TMEM163: variants seen among roughly 807,000 people sequenced by gnomAD.
TMEM163 encodes transmembrane protein 163.
Under a neutral mutation model 29.3 loss-of-function variants are expected in TMEM163, and 17 were observed. The ratio of observed to expected loss-of-function variants is 0.58; its 90% CI spans 0.40 to 0.87. The LOEUF (loss-of-function observed/expected upper bound fraction) is 0.87, where lower values mean the gene tolerates loss of function less well. Among genes scored for constraint, TMEM163 ranks in the 40% least tolerant of loss-of-function variants. The pLI, the probability that TMEM163 is intolerant of heterozygous loss-of-function variation, is 0.00. For missense variants in TMEM163, 303 were observed against 381.5 expected, an observed-to-expected ratio of 0.79 and a Z score of 1.71; for synonymous variants, 157 against 160.6, an observed-to-expected ratio of 0.98 and a Z score of 0.17.
At chr2:134,687,551 T>C (rs143549181) in intron 2 of TMEM163, among the ~76,000 whole-genome samples, 6 of 152,336 alleles carry the variant, frequency 3.9e-5, no homozygotes, top group Middle Eastern at 6.8e-3. Flanking sequence ...CTAAAAGTGA[T>C]GCAGTGTGGC....
intron 2 of TMEM163, among the ~76,000 whole-genome samples, chr2:134,675,501 G>C (rs1684096567): frequency 6.6e-6 from 1 of 152,058 alleles, no homozygotes; most frequent in African/African-American, 2.4e-5. Flanking sequence ...GGGAACAGCA[G>C]TAAGATATGT....
At chr2:134,581,945 G>T (rs768004641) in intron 2 of TMEM163, among the ~76,000 whole-genome samples, 24 of 152,126 alleles carry the variant, frequency 1.6e-4, no homozygotes, top group Non-Finnish European at 2.6e-4. Context: ...CCTTCCTAAC[G>T]GTGTCATAAA....
intron 2 of TMEM163, among the ~76,000 whole-genome samples, chr2:134,667,123 G>T (rs980123655): frequency 6.6e-6 from 1 of 152,162 alleles, no homozygotes; most frequent in Non-Finnish European, 1.5e-5. Flanking sequence ...GTTTGATTCC[G>T]AAATCAAACG....
At chr2:134,511,528 G>A (rs1679949572) in intron 4 of TMEM163, among the ~76,000 whole-genome samples, 1 of 152,154 alleles carries the variant, frequency 6.6e-6, no homozygotes, top group Admixed American at 6.5e-5. Context: ...GGGTGGAAGC[G>A]GGGAGACCAG....
intron 2 of TMEM163, among the ~76,000 whole-genome samples, chr2:134,582,528 C>T (rs1486696033): frequency 1.3e-5 from 2 of 152,176 alleles, no homozygotes; most frequent in Non-Finnish European, 2.9e-5. Context: ...ACTCTTGAAC[C>T]TAGTGCCGTC....
At chr2:134,672,919 G>T (rs1684023401) in intron 2 of TMEM163, among the ~76,000 whole-genome samples, 1 of 152,042 alleles carries the variant, frequency 6.6e-6, no homozygotes, top group South Asian at 2.1e-4. Context: ...GCCCAGTACT[G>T]GGGGGCTTCC....
intron 2 of TMEM163, among the ~76,000 whole-genome samples, chr2:134,572,877 C>T (rs1381283952): frequency 1.3e-5 from 2 of 152,212 alleles, no homozygotes; most frequent in Admixed American, 1.3e-4. Flanking sequence ...GCAGTGGCAA[C>T]GATCTCAAAT....
chr2:134,458,251 C>G, intron 6 of TMEM163, 78 bp from the exon 7 acceptor site: 2 of 1,557,642 alleles, frequency 1.3e-6, no homozygotes, highest in Non-Finnish European at 1.8e-6. Flanking sequence ...GTCCTGCCTC[C>G]ACGTAACTGG....
intron 2 of TMEM163, among the ~76,000 whole-genome samples, chr2:134,681,940 G>C (rs924276528): frequency 2.0e-5 from 3 of 152,210 alleles, no homozygotes; most frequent in Non-Finnish European, 4.4e-5. Flanking sequence ...GCTTGGGGGA[G>C]GGGGACACAC....
intron 1 of TMEM163, among the ~76,000 whole-genome samples, chr2:134,716,153 G>A (rs772591271): frequency 2.0e-5 from 3 of 152,190 alleles, no homozygotes; most frequent in Non-Finnish European, 2.9e-5. Context: ...GCTAAGCTGG[G>A]CCCTAAGGTT....
intron 2 of TMEM163, among the ~76,000 whole-genome samples, chr2:134,605,735 G>A (rs1233147158): frequency 1.3e-5 from 2 of 151,762 alleles, no homozygotes; most frequent in South Asian, 2.1e-4. Context: ...GGGAGGGGAG[G>A]AGAGGAGAGG....
chr2:134,585,437 T>C (rs1681792162), intron 2 of TMEM163, among the ~76,000 whole-genome samples: 2 of 152,064 alleles, frequency 1.3e-5, no homozygotes, highest in South Asian at 4.1e-4. Context: ...ATCAAATGAG[T>C]TAATACATTA....
chr2:134,695,102 A>T (rs1684549928), intron 2 of TMEM163, among the ~76,000 whole-genome samples: 1 of 152,186 alleles, frequency 6.6e-6, no homozygotes, highest in African/African-American at 2.4e-5. Context: ...TTTGAGACGG[A>T]GTCTCGCTCT....
At chr2:134,656,343 G>A (rs926628930) in intron 2 of TMEM163, among the ~76,000 whole-genome samples, 4 of 151,740 alleles carry the variant, frequency 2.6e-5, no homozygotes, top group South Asian at 2.1e-4. Flanking sequence ...TCTTTGACTC[G>A]GAAAGGGAAC....
intron 2 of TMEM163, among the ~76,000 whole-genome samples, chr2:134,640,206 G>A (rs142741149): frequency 5.8e-4 from 88 of 152,226 alleles, no homozygotes; most frequent in African/African-American, 1.8e-3. Flanking sequence ...CATGCTGTGC[G>A]ACATCTGTGT....
chr2:134,586,044 A>C (rs1681815927), intron 2 of TMEM163, among the ~76,000 whole-genome samples: 1 of 152,234 alleles, frequency 6.6e-6, no homozygotes, highest in Non-Finnish European at 1.5e-5. Flanking sequence ...TCTAAGGACC[A>C]CAAAACAGTG....
At chr2:134,681,722 T>G (rs1473786503) in intron 2 of TMEM163, among the ~76,000 whole-genome samples, 1 of 152,162 alleles carries the variant, frequency 6.6e-6, no homozygotes, top group African/African-American at 2.4e-5. Context: ...ATGACCCTGG[T>G]TCCCAGCACA....
chr2:134,545,150 C>T (rs74783496), intron 4 of TMEM163, among the ~76,000 whole-genome samples: 4 of 152,162 alleles, frequency 2.6e-5, no homozygotes, highest in Non-Finnish European at 4.4e-5. Flanking sequence ...GAGGTCACGA[C>T]GTTAAGTAAA....
chr2:134,461,912 G>A (rs964132768), intron 6 of TMEM163, among the ~76,000 whole-genome samples: 3 of 152,188 alleles, frequency 2.0e-5, no homozygotes, highest in African/African-American at 7.2e-5. Flanking sequence ...ATGGCTCCCT[G>A]AGCCCATCCT....
Sources: gnomAD v4.1 joint callset for allele counts (sites outside exome capture counted in the v4.1 genomes callset) on GRCh38, gnomAD v4.1.1 for gene constraint, MANE v1.5 for transcripts, NCBI Gene and HGNC (gene_info 2026-07-23, HGNC 2026-07-21) for gene names.